DGUOK: variants seen among roughly 807,000 people sequenced by gnomAD.
The protein encoded by DGUOK is deoxyguanosine kinase, mitochondrial.
A neutral mutation model predicts 36.6 loss-of-function variants in DGUOK; 30 were observed. The observed-to-expected ratio is 0.82, with a 90% CI of 0.61 to 1.11. The LOEUF is 1.11. Among genes scored for constraint, DGUOK ranks in the 50% most tolerant of loss-of-function variants. The probability of loss-of-function intolerance (pLI) is 0.00; values close to 1 mark genes in which losing one functional copy is unlikely to be tolerated. For synonymous variants in DGUOK, 145 were observed against 126.3 expected, an observed-to-expected ratio of 1.15 and a Z score of -0.99; for missense variants, 361 against 336.4, an observed-to-expected ratio of 1.07 and a Z score of -0.57.
Position 73,946,769 on chromosome 2 carries a change from G to A in DGUOK, c.306G>A (p.Glu102=), listed in dbSNP as rs1458060984. The A allele has an allele frequency of 6.2e-7, 1 of 1,614,006 alleles. No homozygotes were observed. Among genetic ancestry groups the A allele is most frequent in the Non-Finnish European group, 8.5e-7 (1 of 1,180,038 alleles). ...LGNLLDMMYR[E]PARWSYTFQT... ...ACTTGCTGGATATGATGTACCGGGA[G>A]CCAGCACGATGGTCCTACACATTCC... Residue 102 remains glutamate, a synonymous_variant, in exon 3 of 7, where the codon GAG becomes GAA. Coordinates refer to ENST00000264093, the MANE Select transcript of DGUOK (RefSeq NM_080916.3).
At chr2:73,931,777 G>T (rs1681057374) in intron 1 of DGUOK, among the ~76,000 whole-genome samples, 1 of 152,246 alleles carries the variant, frequency 6.6e-6, no homozygotes, top group Admixed American at 6.5e-5. Context: ...TTGGAACAGA[G>T]TTGAGTCTGT....
At chr2:73,948,582 C>T (rs1180757072) in intron 3 of DGUOK, among the ~76,000 whole-genome samples, 2 of 152,180 alleles carry the variant, frequency 1.3e-5, no homozygotes, top group African/African-American at 4.8e-5. Flanking sequence ...TAAGGCAGAC[C>T]CAGTCCCTGC....
intron 2 of DGUOK, among the ~76,000 whole-genome samples, chr2:73,945,030 A>G (rs1682187445): frequency 6.6e-6 from 1 of 152,194 alleles, no homozygotes; most frequent in African/African-American, 2.4e-5. Flanking sequence ...TCTGCTCTAT[A>G]TGTGTTGTTT....
chr2:73,957,499 C>A (rs1683202520), intron 5 of DGUOK, among the ~76,000 whole-genome samples: 1 of 152,094 alleles, frequency 6.6e-6, no homozygotes, highest in African/African-American at 2.4e-5. Flanking sequence ...CATGGTGAAA[C>A]CCTGTCTCTA....
intron 2 of DGUOK, among the ~76,000 whole-genome samples, chr2:73,940,098 C>T (rs968395492): frequency 1.3e-5 from 2 of 152,038 alleles, no homozygotes; most frequent in South Asian, 4.1e-4. Flanking sequence ...GACAGGGTTT[C>T]GCCATGTTGG....
intron 3 of DGUOK, chr2:73,947,790 A>AT (rs1317339409): frequency 6.6e-6 from 1 of 152,234 alleles, no homozygotes; most frequent in Non-Finnish European, 1.5e-5. Flanking sequence ...GCTTTCAAGC[A>AT]AAACGATCTT....
chr2:73,931,014 T>A (rs1421354330), intron 1 of DGUOK, among the ~76,000 whole-genome samples: 1 of 151,906 alleles, frequency 6.6e-6, no homozygotes, highest in East Asian at 1.9e-4. Context: ...GCCAGGATGG[T>A]CTCAATCTCC....
In DGUOK at chr2:73,934,702, C is replaced by T. The variant is rs150483046; in HGVS notation, c.143-4208C>T. On this transcript the variant is annotated intron_variant, in intron 1 of 6. Transcript: ENST00000264093. Reference sequence around the variant, plus strand: ...CCCGGGAGTTGGAAGTTGCAGTGAGCCGAGATCACCCCACTGCACTCCAGC... The same window carrying T: ...CCCGGGAGTTGGAAGTTGCAGTGAGTCGAGATCACCCCACTGCACTCCAGC... Among the ~76,000 whole-genome samples, 416 of 151,608 alleles carry T rather than the reference C, an allele frequency of 2.7e-3. 15 individuals carry two copies. In the East Asian group the frequency reaches 0.069, roughly 25 times the overall value.
chr2:73,946,186 A>T (rs568852944), intron 2 of DGUOK, among the ~76,000 whole-genome samples: 32 of 152,354 alleles, frequency 2.1e-4, no homozygotes, highest in African/African-American at 7.5e-4. Flanking sequence ...TGTTTTAACA[A>T]ACAAATTGTA....
intron 1 of DGUOK, among the ~76,000 whole-genome samples, chr2:73,931,053 C>T (rs1381313939): frequency 6.6e-6 from 1 of 152,186 alleles, no homozygotes; most frequent in South Asian, 2.1e-4. Flanking sequence ...GCTTCGGCCT[C>T]CCAAAGTGCT....
At chr2:73,932,482 C>T in intron 1 of DGUOK, 1 of 532,976 alleles carries the variant, frequency 1.9e-6, no homozygotes, top group Non-Finnish European at 3.2e-6. Context: ...TCAGTACTGA[C>T]CAGATTCTTG....
In DGUOK at chr2:73,950,603, TC is replaced by T. The variant is rs1682636892; in HGVS notation, c.463del (p.Leu155PhefsTer46). 6.2e-7 allele frequency: 1 copy of T among 1,614,200 alleles called. No individual in the cohort carries two copies. Among genetic ancestry groups the T allele is most frequent in the African/African-American group, 1.3e-5 (1 of 75,042 alleles). On this transcript the variant is annotated frameshift_variant, in exon 4 of 7. Transcript: ENST00000264093. LOFTEE classifies it high-confidence loss of function. Reference protein sequence around the residue: ...YSDRYIFAKNLFENGSLSDIE... With the variant: ...YSDRYIFAKNXFENGSLSDIE... Reference sequence around the variant, plus strand: ...CAACCAGGTATATCTTTGCAAAGAATCTTTTTGAAAATGGTTCCCTCAGTGA... The same window carrying T: ...CAACCAGGTATATCTTTGCAAAGAATTTTTTGAAAATGGTTCCCTCAGTGA...
chr2:73,946,661 C>T lies in DGUOK; in HGVS notation c.256-58C>T, dbSNP rs540511330. 123 of 1,492,938 alleles carry T rather than the reference C, an allele frequency of 8.2e-5. No individual in the cohort carries two copies. The South Asian group carries it at 1.2e-3, about 15-fold the overall frequency. The allele number at this position is 1,492,938 out of a possible 1,614,324, so 92.5% of individuals were successfully genotyped here. On this transcript the variant is annotated intron_variant, in intron 2 of 6. Transcript: ENST00000264093. ...GTAGGGGTGTGTGTGGAGGGGTGTA[C>T]CCCATGGAGTAAATATGCTTTCTAG...
intron 2 of DGUOK, among the ~76,000 whole-genome samples, chr2:73,943,323 A>T (rs957772969): frequency 9.3e-4 from 133 of 142,718 alleles, no homozygotes; most frequent in South Asian, 3.3e-3. Context: ...CTACTTAAAA[A>T]TTTTTTTTTT....
At chr2:73,943,802 C>T (rs1224535517) in intron 2 of DGUOK, among the ~76,000 whole-genome samples, 4 of 151,994 alleles carry the variant, frequency 2.6e-5, no homozygotes, top group African/African-American at 9.7e-5. Context: ...GGCATACCAC[C>T]ATGCCCGGCT....
intron 1 of DGUOK, among the ~76,000 whole-genome samples, chr2:73,934,768 AAGG>A (rs1323455951): frequency 2.0e-5 from 3 of 147,928 alleles, no homozygotes; most frequent in Non-Finnish European, 3.0e-5. Flanking sequence ...AAAAAAAAAA[AAGG>A]AAAGAAAGAT....
At chr2:73,928,388 A>G (rs1311233148) in intron 1 of DGUOK, among the ~76,000 whole-genome samples, 1 of 152,214 alleles carries the variant, frequency 6.6e-6, no homozygotes, top group South Asian at 2.1e-4. Flanking sequence ...TCGGCCTCCC[A>G]AAGTGCTGGG....
chr2:73,932,541 C>A, intron 1 of DGUOK: 1 of 1,062,002 alleles, frequency 9.4e-7, no homozygotes, highest in Non-Finnish European at 1.3e-6. Flanking sequence ...GGTACCCACA[C>A]AGGGAATGTA....
intron 1 of DGUOK, among the ~76,000 whole-genome samples, chr2:73,938,635 T>C (rs568298414): frequency 1.5e-3 from 232 of 152,368 alleles, no homozygotes; most frequent in African/African-American, 5.0e-3. Context: ...TCAACTGTTA[T>C]TAAATGCTCT....
Sources: allele counts gnomAD v4.1 joint callset (sites outside exome capture counted in the v4.1 genomes callset), GRCh38; gene constraint gnomAD v4.1.1; transcripts MANE v1.5; gene names NCBI Gene and HGNC (gene_info 2026-07-23, HGNC 2026-07-21).